MBP: variants seen among roughly 807,000 people sequenced by gnomAD.
The protein encoded by MBP is Golli-MBP.
In MBP, 16 loss-of-function variants were observed where a neutral mutation model predicts 35.8. The ratio of observed to expected loss-of-function variants is 0.45; its 90% CI spans 0.30 to 0.68. MBP has a LOEUF of 0.68. MBP is among the 30% of genes least tolerant of loss of function. The pLI is 0.08. For synonymous variants in MBP, 143 were observed against 159.6 expected (o/e 0.90, Z 0.78); for missense variants, 380 against 404.7 (o/e 0.94, Z 0.52).
Position 77,006,398 on chromosome 18 carries a change from G to A in MBP, c.576+10434C>T, listed in dbSNP as rs3794839. On this transcript the variant is annotated intron_variant, in intron 4 of 8. Transcript: ENST00000355994. ...ACCGTTGGCGGGGCCGAGAGGAGCC[G>A]CCCTGCCCGGGGCCACCTTTCCAGC... The A allele has an allele frequency of 5.2e-3, 794 of 152,670 alleles. 14 individuals carry two copies. In the East Asian group the frequency reaches 0.052, roughly 10 times the overall value. 9.5% of individuals were successfully genotyped at this position (152,670 alleles called of 1,614,324 possible).
chr18:76,988,316 C>G lies in MBP; in HGVS notation c.750+179G>C. On this transcript the variant is annotated intron_variant, in intron 7 of 8. Transcript: ENST00000355994. The surrounding 1 kb of genome is among the most constrained non-coding windows in gnomAD (Gnocchi z 5.2). ...AGACCAGACCTTCCGGAAGGGAAGA[C>G]CACGTTTCATTTCCCCAGTGGAAGA... 1 of 1,573,264 alleles carries G rather than the reference C, an allele frequency of 6.4e-7. No homozygotes were observed. The highest frequency in any genetic ancestry group is 8.6e-7 in the Non-Finnish European group (1 of 1,159,218).
chr18:77,080,963 G>A (rs1488023655), intron 2 of MBP, among the ~76,000 whole-genome samples: 2 of 152,314 alleles, frequency 1.3e-5, no homozygotes, highest in South Asian at 2.1e-4. Flanking sequence ...GACTACAGGC[G>A]TGAGTCACTG....
Position 77,049,055 on chromosome 18 carries a change from G to T in MBP, c.139+17243C>A, listed in dbSNP as rs559559401. The stretch of plus-strand genomic sequence containing the variant: ...CTGTCCCAGCCTCCCGAGTAGCTGG[G>T]ACTACAGGCACCTGCCACCACGCCC... On this transcript the variant is annotated intron_variant, in intron 3 of 8. Coordinates refer to ENST00000355994, the MANE Select transcript of MBP (RefSeq NM_001025101.2). Among the ~76,000 whole-genome samples, 5 of 152,184 alleles carry T rather than the reference G, an allele frequency of 3.3e-5. No homozygotes were observed. The East Asian group carries it at 9.7e-4, about 30-fold the overall frequency.
At chr18:77,108,069 G>A (rs1462093184) in intron 1 of MBP, among the ~76,000 whole-genome samples, 1 of 152,190 alleles carries the variant, frequency 6.6e-6, no homozygotes, top group African/African-American at 2.4e-5. Context: ...ACTATGGTGG[G>A]AACGACAGAG....
At chr18:77,008,883 C>T (rs1037440874) in intron 4 of MBP, among the ~76,000 whole-genome samples, 3 of 152,238 alleles carry the variant, frequency 2.0e-5, no homozygotes, top group Non-Finnish European at 2.9e-5. Context: ...TCCTGTCCCC[C>T]GTGCTCCTGT....
chr18:77,053,877 G>A (rs562358168), intron 3 of MBP, among the ~76,000 whole-genome samples: 2 of 152,232 alleles, frequency 1.3e-5, no homozygotes, highest in Non-Finnish European at 2.9e-5. Context: ...CTGCCTTCAT[G>A]GGGCTCACTT....
At chr18:77,009,801 G>C in intron 4 of MBP, 2 of 1,481,794 alleles carry the variant, frequency 1.3e-6, no homozygotes, top group South Asian at 2.4e-5. Context: ...CTCAGGAAAC[G>C]GCAGGTCACC....
In MBP at chr18:76,985,375, G is replaced by A; in HGVS notation, c.751-481C>T. Reference sequence around the variant, plus strand: ...GCCTTTGCTGGGGGCTCCTTTTGCTGATTGATTTGCACAGATTGGATTCTG... The same window carrying A: ...GCCTTTGCTGGGGGCTCCTTTTGCTAATTGATTTGCACAGATTGGATTCTG... On this transcript the variant is annotated intron_variant, in intron 7 of 8. Coordinates refer to ENST00000355994, the MANE Select transcript of MBP (RefSeq NM_001025101.2). 4.0e-6 allele frequency: 5 copies of A among 1,264,382 alleles called. No homozygotes were observed. In the South Asian group the frequency reaches 6.5e-5, roughly 16 times the overall value. 78.3% of individuals were successfully genotyped at this position (1,264,382 alleles called of 1,614,324 possible). A position where few individuals can be genotyped will look rare whatever the true frequency, so the allele number is the denominator to read the frequency against.
Position 77,008,722 on chromosome 18 carries a change from C to T in MBP, c.576+8110G>A, listed in dbSNP as rs192384719. On this transcript the variant is annotated intron_variant, in intron 4 of 8. Coordinates refer to ENST00000355994, the MANE Select transcript of MBP (RefSeq NM_001025101.2). ...ACTGCCTGGACTGGCCATCCCGGGG[C>T]CAGCAGGCACATCCTCATTCCTCAT... 1.3e-3 allele frequency among the ~76,000 whole-genome samples: 201 copies of T among 152,348 alleles called. 2 individuals carry two copies. Among genetic ancestry groups the T allele is most frequent in the African/African-American group, 4.5e-3 (188 of 41,584 alleles).
chr18:77,013,730 C>T (rs1051833894), intron 4 of MBP: 9 of 985,276 alleles, frequency 9.1e-6, no homozygotes, highest in East Asian at 2.3e-4. Flanking sequence ...CGAAAACCTC[C>T]CTAAAAGTAC....
intron 7 of MBP, chr18:76,987,925 A>C: frequency 8.9e-7 from 1 of 1,117,954 alleles, no homozygotes; most frequent in Non-Finnish European, 1.1e-6. Flanking sequence ...TAAAATTCCT[A>C]AGGAAGATTT....
At chr18:77,118,797 C>T (rs2145207334) in intron 1 of MBP, among the ~76,000 whole-genome samples, 1 of 150,808 alleles carries the variant, frequency 6.6e-6, no homozygotes, top group South Asian at 2.1e-4. Flanking sequence ...CTCCACACCC[C>T]CTACACACTA....
At chr18:77,091,831 T>C (rs192349713) in intron 2 of MBP, among the ~76,000 whole-genome samples, 2 of 152,050 alleles carry the variant, frequency 1.3e-5, no homozygotes, top group African/African-American at 4.8e-5. Context: ...CCCGCACATG[T>C]ATACACACCA....
At chr18:77,074,437 C>G (rs571614061) in intron 2 of MBP, among the ~76,000 whole-genome samples, 1 of 152,138 alleles carries the variant, frequency 6.6e-6, no homozygotes, top group Non-Finnish European at 1.5e-5. Flanking sequence ...GGGTTGAGGT[C>G]ATATGTATCA....
At chr18:77,060,616 A>G (rs559484730) in intron 3 of MBP, among the ~76,000 whole-genome samples, 1 of 151,946 alleles carries the variant, frequency 6.6e-6, no homozygotes, top group Admixed American at 6.6e-5. Flanking sequence ...ACATCCAGCT[A>G]ATTTTGTATT....
chr18:77,093,981 C>CTT (rs58936481), intron 2 of MBP, among the ~76,000 whole-genome samples: 1,709 of 144,910 alleles, frequency 0.012, 13 homozygotes, highest in Non-Finnish European at 0.018. Context: ...TTTTTTTCTT[C>CTT]TTTTTTTTTT....
intron 3 of MBP, among the ~76,000 whole-genome samples, chr18:77,025,447 C>T (rs1972170813): frequency 6.6e-6 from 1 of 152,160 alleles, no homozygotes; most frequent in Non-Finnish European, 1.5e-5. Flanking sequence ...GCCACCTGGA[C>T]ATCGATACGT....
At chr18:77,117,427 C>T (rs1789086) in intron 1 of MBP, among the ~76,000 whole-genome samples, 95,390 of 151,912 alleles carry the variant, frequency 0.63, 30,454 homozygotes, top group South Asian at 0.75. Context: ...CAAAAGGTGA[C>T]GATTTATTAT....
At chr18:77,071,553 A>G (rs1974448988) in intron 2 of MBP, among the ~76,000 whole-genome samples, 1 of 152,210 alleles carries the variant, frequency 6.6e-6, no homozygotes, top group Admixed American at 6.5e-5. Flanking sequence ...TGACCCAACC[A>G]GGGACAGAAA....
Sources: gnomAD v4.1 joint callset for allele counts (sites outside exome capture counted in the v4.1 genomes callset) on GRCh38, gnomAD v4.1.1 for gene constraint, Gnocchi (gnomAD v3.1) non-coding constraint, MANE v1.5 for transcripts, NCBI Gene and HGNC (gene_info 2026-07-23, HGNC 2026-07-21) for gene names.